TNFAIP8L3: variants seen among roughly 807,000 people sequenced by gnomAD.
The protein encoded by TNFAIP8L3 is TNF alpha induced protein 8 like 3.
TNFAIP8L3 carries 7 observed loss-of-function variants against 11.8 expected under a neutral mutation model. The observed-to-expected ratio is 0.59, with a 90% CI of 0.34 to 1.11. The LOEUF (loss-of-function observed/expected upper bound fraction) is 1.11. Among genes scored for constraint, TNFAIP8L3 ranks in the 50% most tolerant of loss-of-function variants. The pLI is 0.03. For synonymous variants in TNFAIP8L3, 98 were observed against 103.8 expected, an observed-to-expected ratio of 0.94 and a Z score of 0.34; for missense variants, 219 against 258.6, an observed-to-expected ratio of 0.85 and a Z score of 1.05.
At chr15:51,087,919 T>TTATATATATATATATATATATATATA (rs6145560) in intron 1 of TNFAIP8L3, among the ~76,000 whole-genome samples, 1,103 of 101,166 alleles carry the variant, frequency 0.011, 59 homozygotes, top group Admixed American at 0.015. Context: ...TAGCATACCT[T>TTATATATATATATATATATATATATA]TATATATATA....
At chr15:51,102,732 A>G (rs2065563486) in intron 1 of TNFAIP8L3, among the ~76,000 whole-genome samples, 1 of 152,104 alleles carries the variant, frequency 6.6e-6, no homozygotes, top group Admixed American at 6.5e-5. Context: ...TCATATTACC[A>G]TGCTCCTTTA....
At chr15:51,080,903 T>C (rs1046677680) in intron 1 of TNFAIP8L3, among the ~76,000 whole-genome samples, 6 of 152,256 alleles carry the variant, frequency 3.9e-5, no homozygotes, top group African/African-American at 1.2e-4. Context: ...ACACCCTTGA[T>C]GGATGGTTTG....
At chr15:51,065,010 C>A (rs916830817) in intron 1 of TNFAIP8L3, among the ~76,000 whole-genome samples, 1 of 152,200 alleles carries the variant, frequency 6.6e-6, no homozygotes, top group Non-Finnish European at 1.5e-5. Context: ...AGAGATAATT[C>A]TTTTAACCAT....
chr15:51,060,435 T>TA (rs1311752597), intron 1 of TNFAIP8L3, among the ~76,000 whole-genome samples: 3 of 152,134 alleles, frequency 2.0e-5, no homozygotes, highest in Non-Finnish European at 4.4e-5. Context: ...TTCTAGAATA[T>TA]AAAAAAATGA....
chr15:51,062,441 G>A (rs1443210426), intron 1 of TNFAIP8L3, among the ~76,000 whole-genome samples: 1 of 152,162 alleles, frequency 6.6e-6, no homozygotes, highest in Non-Finnish European at 1.5e-5. Context: ...CTTGACCTTA[G>A]GTTTCTTCTT....
chr15:51,093,414 C>T (rs2065486930), intron 1 of TNFAIP8L3, among the ~76,000 whole-genome samples: 1 of 152,168 alleles, frequency 6.6e-6, no homozygotes, highest in Admixed American at 6.5e-5. Flanking sequence ...AACTGCCTGG[C>T]CAGGGGCTGT....
chr15:51,100,043 G>T (rs1473425153), intron 1 of TNFAIP8L3, among the ~76,000 whole-genome samples: 2 of 152,198 alleles, frequency 1.3e-5, no homozygotes, highest in African/African-American at 4.8e-5. Flanking sequence ...GCCAACATGG[G>T]TTCCTTACCA....
chr15:51,102,726 AT>A (rs1567299952), intron 1 of TNFAIP8L3, among the ~76,000 whole-genome samples: 2 of 152,268 alleles, frequency 1.3e-5, no homozygotes, highest in South Asian at 4.2e-4. Flanking sequence ...TTCCCATCAT[AT>A]TACCATGCTC....
At position 51,058,082 on chromosome 15, in the gene TNFAIP8L3, C is replaced by G; in HGVS notation, c.414G>C (p.Leu138=). The G allele has an allele frequency of 6.2e-7, 1 of 1,614,010 alleles. No homozygotes were observed. Among genetic ancestry groups the G allele is most frequent in the Admixed American group, 1.7e-5 (1 of 60,014 alleles). ...CATGCACCAGGTCCTTGCACTCATG[C>G]AGGAGATTGGAGAGCACGTTCCTAT... is the stretch of plus-strand genomic sequence containing the variant. ...TFDRNVLSNL[L]HECKDLVHEL... The change falls in exon 2 of 2, where the codon CTG becomes CTC. Residue 138 remains leucine, a synonymous_variant. Transcript: ENST00000637513.
chr15:51,070,065 A>G (rs2065298166), intron 1 of TNFAIP8L3, among the ~76,000 whole-genome samples: 1 of 152,202 alleles, frequency 6.6e-6, no homozygotes, highest in South Asian at 2.1e-4. Flanking sequence ...TCATTTTTAG[A>G]GGGAATTCTG....
At chr15:51,091,886 C>A (rs889793938) in intron 1 of TNFAIP8L3, among the ~76,000 whole-genome samples, 1 of 152,172 alleles carries the variant, frequency 6.6e-6, no homozygotes, top group Middle Eastern at 3.2e-3. Flanking sequence ...ATTCTTACAA[C>A]AAATAATCCA....
intron 1 of TNFAIP8L3, among the ~76,000 whole-genome samples, chr15:51,075,336 C>A (rs1424488925): frequency 6.6e-6 from 1 of 152,174 alleles, no homozygotes; most frequent in Non-Finnish European, 1.5e-5. Context: ...GATTGCCCAC[C>A]ATGCTCTCAG....
At chr15:51,095,404 C>T (rs1595621251), upstream of TNFAIP8L3, among the ~76,000 whole-genome samples, 1 of 152,176 alleles carries the variant, frequency 6.6e-6, no homozygotes, top group East Asian at 1.9e-4. Context: ...GTAATGCTAA[C>T]TCCGGCTGTT....
intron 1 of TNFAIP8L3, chr15:51,069,676 G>GT (rs898403711): frequency 1.3e-5 from 2 of 152,328 alleles, no homozygotes; most frequent in Admixed American, 1.3e-4. Flanking sequence ...ACATGAGGTG[G>GT]TATATACCAT....
At chr15:51,101,675 C>G (rs540623105) in intron 1 of TNFAIP8L3, among the ~76,000 whole-genome samples, 2 of 150,348 alleles carry the variant, frequency 1.3e-5, no homozygotes, top group African/African-American at 4.9e-5. Context: ...GGCTGGGCGC[C>G]GTGGCTGAAG....
intron 1 of TNFAIP8L3, among the ~76,000 whole-genome samples, chr15:51,070,671 G>A (rs1453521381): frequency 6.6e-6 from 1 of 152,168 alleles, no homozygotes; most frequent in African/African-American, 2.4e-5. Context: ...TGCATGGGGT[G>A]ACAAACATCA....
rs150980610 is a variant in TNFAIP8L3 at position 51,105,005 on chromosome 15, C to G, written c.172G>C (p.Ala58Pro). 6.1e-3 allele frequency: 9,769 copies of G among 1,614,156 alleles called. 40 individuals carry two copies. The highest frequency in any genetic ancestry group is 7.6e-3 in the Non-Finnish European group (9,003 of 1,180,030). Reference sequence around the variant, plus strand: ...TGCCAGTTCCTGAGCCAGTGCTGACCAAGTCCCTTTCCCCTCTGAAGATGA... The same window carrying G: ...TGCCAGTTCCTGAGCCAGTGCTGACGAAGTCCCTTTCCCCTCTGAAGATGA... Residue 58 changes from alanine to proline, a missense_variant and splice_region_variant, in exon 1 of 3, where the codon GCC becomes CCC. By Grantham distance (27) the Ala-to-Pro change is conservative. Transcript: ENST00000327536.
At chr15:51,096,363 C>A (rs772191681), upstream of TNFAIP8L3, among the ~76,000 whole-genome samples, 3 of 152,120 alleles carry the variant, frequency 2.0e-5, no homozygotes, top group Admixed American at 2.0e-4. Context: ...GTCAAAAGAG[C>A]CCCACAGTGG....
At position 51,094,513 on chromosome 15, in the gene TNFAIP8L3, A is replaced by G. The variant is rs1052240556; in HGVS notation, c.52+31T>C. 2 of 1,458,844 alleles carry G rather than the reference A, an allele frequency of 1.4e-6. No individual in the cohort carries two copies. Among genetic ancestry groups the G allele is most frequent in the African/African-American group, 1.5e-5 (1 of 67,636 alleles). The allele number at this position is 1,458,844 out of a possible 1,614,324, so 90.4% of individuals were successfully genotyped here. A position where few individuals can be genotyped will look rare whatever the true frequency, so the allele number is the denominator to read the frequency against. ...CTCCCGTCCTCCCCAGCCCCAGCCC[A>G]CCCGCCTGGGCCGTCGCGGCCCCTA... On this transcript the variant is annotated intron_variant, in intron 1 of 1. Coordinates refer to ENST00000637513, the MANE Select transcript of TNFAIP8L3 (RefSeq NM_001311175.2). The surrounding 1 kb of genome is among the most constrained non-coding windows in gnomAD (Gnocchi z 4.4).
Sources: allele counts gnomAD v4.1 joint callset (sites outside exome capture counted in the v4.1 genomes callset), GRCh38; gene constraint gnomAD v4.1.1; non-coding constraint Gnocchi (gnomAD v3.1); transcripts MANE v1.5; gene names NCBI Gene and HGNC (gene_info 2026-07-23, HGNC 2026-07-21).